Variants in SEC23B observed in about 807,000 individuals in gnomAD.
The protein encoded by SEC23B is SEC23 homolog B, COPII component.
In SEC23B, 77 loss-of-function variants were observed where a neutral mutation model predicts 104.3. The observed-to-expected ratio is 0.74, with a 90% confidence interval of 0.61 to 0.89. The LOEUF is 0.89. Among genes scored for constraint, SEC23B ranks in the 40% least tolerant of loss-of-function variants. The pLI, the probability that SEC23B is intolerant of heterozygous loss-of-function variation, is 0.00. For missense variants in SEC23B, 885 were observed against 949.4 expected (o/e 0.93, Z 0.89); for synonymous variants, 338 against 332.5 (o/e 1.02, Z -0.18).
intron 4 of SEC23B, among the ~76,000 whole-genome samples, chr20:18,516,674 C>T (rs2060031188): frequency 6.6e-6 from 1 of 151,874 alleles, no homozygotes; most frequent in South Asian, 2.1e-4. Flanking sequence ...ACCTCAGCCT[C>T]CCGAGTAGCT....
chr20:18,553,439 TC>T (rs1384679368), intron 17 of SEC23B, among the ~76,000 whole-genome samples: 1 of 152,214 alleles, frequency 6.6e-6, no homozygotes, highest in African/African-American at 2.4e-5. Flanking sequence ...ATTTTTCCTC[TC>T]CATTGTCTTC....
intron 4 of SEC23B, among the ~76,000 whole-genome samples, chr20:18,516,621 G>A (rs1238097190): frequency 2.0e-5 from 3 of 148,392 alleles, no homozygotes; most frequent in Non-Finnish European, 3.0e-5. Context: ...GCACGATCTC[G>A]GCTCACTGCA....
At chr20:18,507,922 G>C (rs1387304757), upstream of SEC23B, 1 of 152,628 alleles carries the variant, frequency 6.6e-6, no homozygotes, top group African/African-American at 2.4e-5. Context: ...ACTTGGCGGT[G>C]GGAGCCGGAG....
At chr20:18,542,957 TG>T (rs1275654155) in intron 13 of SEC23B, 61 bp from the exon 14 acceptor site, 2 of 1,603,894 alleles carry the variant, frequency 1.2e-6, no homozygotes, top group African/African-American at 1.3e-5. Flanking sequence ...TTTTTCTGAA[TG>T]GATGTCTGGC....
chr20:18,524,847 C>A (rs550239331), intron 5 of SEC23B, 88 bp from the exon 6 acceptor site: 171 of 1,446,746 alleles, frequency 1.2e-4, no homozygotes, highest in Admixed American at 2.2e-4. Flanking sequence ...CACATGCCAC[C>A]ACACCCAGCT....
rs368458175 is a variant in SEC23B, at chr20:18,548,738, C to A, written c.1873C>A (p.Leu625Ile). Residue 625 changes from leucine (L) to isoleucine (I), a missense_variant, in exon 16 of 20, where the codon CTC becomes ATC. Transcript: ENST00000650089. ...TQSLIMIQPI[L>I]YSYSFHGPPE... ...GTCCCTCATCATGATCCAGCCCATT[C>A]TCTACTCTTACTCCTTTCATGGGCC... The A allele has an allele frequency of 4.2e-5, 67 of 1,614,084 alleles. No individual in the cohort carries two copies. The highest frequency in any genetic ancestry group is 5.3e-5 in the Non-Finnish European group (62 of 1,180,046).
intron 19 of SEC23B, among the ~76,000 whole-genome samples, chr20:18,558,364 A>G (rs2060460553): frequency 6.6e-6 from 1 of 152,164 alleles, no homozygotes; most frequent in Admixed American, 6.5e-5. Flanking sequence ...GGCAGAGAAG[A>G]AAGTGTAATT....
intron 13 of SEC23B, among the ~76,000 whole-genome samples, chr20:18,542,634 AATTATT>A (rs963526377): frequency 1.3e-5 from 2 of 152,008 alleles, no homozygotes; most frequent in African/African-American, 2.4e-5. Context: ...TAAAAGTATT[AATTATT>A]ATTATTATCA....
In SEC23B at chr20:18,557,340, A is replaced by G. The variant is rs1261635780; in HGVS notation, c.2214+2167A>G. Reference sequence around the variant, plus strand: ...ATTTTAATTGAGATGAGGTCTTGCTATGTTGCCTAGGCTGGTCCTAAACTC... The same window carrying G: ...ATTTTAATTGAGATGAGGTCTTGCTGTGTTGCCTAGGCTGGTCCTAAACTC... On this transcript the variant is annotated intron_variant, in intron 19 of 19. Coordinates refer to ENST00000650089, the MANE Select transcript of SEC23B (RefSeq NM_006363.6). 3.3e-5 allele frequency among the ~76,000 whole-genome samples: 5 copies of G among 151,984 alleles called. No homozygotes were observed. In the East Asian group the frequency reaches 9.7e-4, roughly 29 times the overall value.
intron 4 of SEC23B, among the ~76,000 whole-genome samples, chr20:18,521,676 T>C (rs1315739300): frequency 6.6e-6 from 1 of 151,974 alleles, no homozygotes; most frequent in Non-Finnish European, 1.5e-5. Context: ...GGGACCTAGC[T>C]TGGCCTGGTG....
chr20:18,539,210 T>TCAA (rs1568615453), intron 12 of SEC23B, among the ~76,000 whole-genome samples: 10 of 95,090 alleles, frequency 1.1e-4, no homozygotes, highest in Middle Eastern at 0.01. Context: ...AGACTCCGTC[T>TCAA]AAAAAAAAAA....
intron 1 of SEC23B, chr20:18,508,199 A>G (rs2059948506): frequency 6.6e-6 from 1 of 152,224 alleles, no homozygotes; most frequent in Admixed American, 6.5e-5. Context: ...CGGAGTGCGC[A>G]CACCTGGAAG....
At chr20:18,515,543 G>C (rs2060016835) in intron 3 of SEC23B, 107 bp from the exon 4 acceptor site, 3 of 717,160 alleles carry the variant, frequency 4.2e-6, no homozygotes, top group South Asian at 2.9e-5. Flanking sequence ...GAGCTCCTGA[G>C]CTCAAGTGTT....
At chr20:18,533,485 C>T (rs1452908999) in intron 11 of SEC23B, among the ~76,000 whole-genome samples, 2 of 152,120 alleles carry the variant, frequency 1.3e-5, no homozygotes, top group South Asian at 4.1e-4. Context: ...CTGGCCCGAG[C>T]AAAGGACTTA....
intron 3 of SEC23B, 25 bp downstream of exon 3, chr20:18,512,307 GT>G: frequency 7.1e-7 from 1 of 1,410,664 alleles, no homozygotes; most frequent in Non-Finnish European, 9.9e-7. Flanking sequence ...TTTAAAAAAT[GT>G]TATATGTTTT....
In SEC23B at chr20:18,524,648, T is replaced by C. The variant is rs142605239; in HGVS notation, c.582T>C (p.Asp194=). 5 of 1,613,792 alleles carry C rather than the reference T, an allele frequency of 3.1e-6. No individual in the cohort carries two copies. In the African/African-American group the frequency reaches 6.7e-5, roughly 22 times the overall value. ...SKSYVFRGTK[D]LTAKQIQDML... ...GTTATGTCTTCCGAGGGACCAAGGA[T>C]TTAACTGCAAAGCAAATACAGGTTT... Residue 194 remains aspartate, a synonymous_variant, in exon 5 of 20, where the codon GAT becomes GAC. Coordinates refer to ENST00000650089, the MANE Select transcript of SEC23B (RefSeq NM_006363.6).
chr20:18,510,511 TC>T, intron 1 of SEC23B, among the ~76,000 whole-genome samples: 1 of 152,190 alleles, frequency 6.6e-6, no homozygotes, highest in African/African-American at 2.4e-5. Context: ...ACGCCTGTAA[TC>T]CCAGCACTTT....
intron 4 of SEC23B, chr20:18,516,034 C>G (rs186767511): frequency 1.6e-4 from 59 of 364,100 alleles, no homozygotes; most frequent in Non-Finnish European, 2.6e-4. Flanking sequence ...TTAGACTTAT[C>G]CTTGACCTCT....
rs188884926 is a variant in SEC23B at position 18,526,422 on chromosome 20, C to T, written c.884C>T (p.Pro295Leu). The change falls in exon 8 of 20, where the codon CCC becomes CTC. Residue 295 changes from proline (P) to leucine (L), a missense_variant. Transcript: ENST00000650089. Reference protein sequence around the residue: ...GARIMLFTGGPPTQGPGMVVG... With the variant: ...GARIMLFTGGLPTQGPGMVVG... ...AGGATCATGCTGTTTACTGGAGGTC[C>T]CCCTACCCAAGGGCCTGGCATGGTG... 1 of 1,614,150 alleles carries T rather than the reference C, an allele frequency of 6.2e-7. No homozygotes were observed. The highest frequency in any genetic ancestry group is 2.2e-5 in the East Asian group (1 of 44,882).
Sources: gnomAD v4.1 joint callset for allele counts (sites outside exome capture counted in the v4.1 genomes callset) on GRCh38, gnomAD v4.1.1 for gene constraint, MANE v1.5 for transcripts, NCBI Gene and HGNC (gene_info 2026-07-23, HGNC 2026-07-21) for gene names.